Variants in LYST observed in about 807,000 individuals in gnomAD.
The protein encoded by LYST is lysosomal-trafficking regulator.
A neutral mutation model predicts 413.6 loss-of-function variants in LYST; 192 were observed. The ratio of observed to expected loss-of-function variants is 0.46; its 90% CI spans 0.41 to 0.52. LYST has a LOEUF of 0.52. LYST is among the 20% of genes least tolerant of loss of function. The probability of loss-of-function intolerance (pLI) is 0.00; values close to 1 mark genes in which losing one functional copy is unlikely to be tolerated. For synonymous variants in LYST, 1,525 were observed against 1,567.3 expected (o/e 0.97, Z 0.64); for missense variants, 3,815 against 4,499.9 (o/e 0.85, Z 4.35).
intron 1 of LYST, among the ~76,000 whole-genome samples, chr1:235,882,150 G>A (rs1460673729): frequency 6.6e-6 from 1 of 151,086 alleles, no homozygotes; most frequent in Non-Finnish European, 1.5e-5. Flanking sequence ...GAGGAAGGAG[G>A]ATCGGGAAGG....
intron 1 of LYST, among the ~76,000 whole-genome samples, chr1:235,834,922 T>A (rs930560989): frequency 1.2e-4 from 17 of 147,072 alleles, no homozygotes; most frequent in African/African-American, 3.2e-4. Context: ...ATCATGCAAA[T>A]TTTTTTTTTT....
rs768532041 is a variant in LYST, at chr1:235,762,815, A to G, written c.6158T>C (p.Met2053Thr). 6.2e-7 allele frequency: 1 copy of G among 1,613,570 alleles called. No individual in the cohort carries two copies. The highest frequency in any genetic ancestry group is 1.3e-5 in the African/African-American group (1 of 75,006). The change falls in exon 22 of 53, where the codon ATG becomes ACG. Residue 2053 changes from methionine to threonine, a missense_variant. This residue lies in a region of LYST where 530 missense variants were observed against 696.5 expected (regional missense o/e 0.76). Coordinates refer to ENST00000389793, the MANE Select transcript of LYST (RefSeq NM_000081.4). ...KIFQEKVRSI[M>T]YLRHSSSGGR... The stretch of plus-strand genomic sequence containing the variant: ...TCCACTGCTGGAATGCCTCAGGTAC[A>G]TGATTGACCGCACTTTCTCCTGAAA...
In LYST at chr1:235,728,059, C is replaced by G. The variant is rs1306054953; in HGVS notation, c.9162+17G>C. The G allele has an allele frequency of 6.3e-7, 1 of 1,589,422 alleles. No homozygotes were observed. The highest frequency in any genetic ancestry group is 2.2e-5 in the East Asian group (1 of 44,674). The stretch of plus-strand genomic sequence containing the variant: ...CTGTCTAGATTTATGTAAATACAGA[C>G]TTAAGCCTCTACTCACCGAACTTTC... On this transcript the variant is annotated intron_variant, in intron 38 of 52. Coordinates refer to ENST00000389793, the MANE Select transcript of LYST (RefSeq NM_000081.4).
At chr1:235,771,913 GTTTGTTTTTTTTTTT>G (rs1416270283) in intron 19 of LYST, among the ~76,000 whole-genome samples, 1 of 95,182 alleles carries the variant, frequency 1.1e-5, no homozygotes, top group South Asian at 3.8e-4. Context: ...AGGTTTTTTA[GTTTGTTTTTTTTTTT>G]TTTTTTTTTT....
chr1:235,872,457 A>G (rs945835298), intron 1 of LYST, among the ~76,000 whole-genome samples: 3 of 152,210 alleles, frequency 2.0e-5, no homozygotes, highest in African/African-American at 7.2e-5. Context: ...ATCTCGTGGT[A>G]ATAGACCGAG....
chr1:235,741,420 A>G lies in LYST; in HGVS notation c.8358+2T>C, dbSNP rs1157079200. On this transcript the variant is annotated splice_donor_variant, in intron 31 of 52. Transcript: ENST00000389793. LOFTEE classifies it high-confidence loss of function. ...TTCTCTTATCAAAGCTGAGATACTT[A>G]CTTGTAGGGATGGGCTGAGACAGTC... 1 of 1,609,842 alleles carries G rather than the reference A, an allele frequency of 6.2e-7. No individual in the cohort carries two copies. Among genetic ancestry groups the G allele is most frequent in the Non-Finnish European group, 8.5e-7 (1 of 1,176,290 alleles).
intron 48 of LYST, among the ~76,000 whole-genome samples, chr1:235,677,914 C>G (rs1046416863): frequency 1.3e-5 from 2 of 151,732 alleles, no homozygotes; most frequent in African/African-American, 4.8e-5. Flanking sequence ...TTTACATATT[C>G]TCCTATAAGC....
chr1:235,698,111 A>G (rs1187855855), intron 45 of LYST, among the ~76,000 whole-genome samples: 1 of 152,216 alleles, frequency 6.6e-6, no homozygotes, highest in African/African-American at 2.4e-5. Context: ...TGACTGTTTT[A>G]TCCTCTACTG....
At chr1:235,844,860 T>C (rs960494358) in intron 1 of LYST, among the ~76,000 whole-genome samples, 3 of 152,198 alleles carry the variant, frequency 2.0e-5, no homozygotes, top group Non-Finnish European at 4.4e-5. Flanking sequence ...GTACAATATT[T>C]AAGCAAGAAA....
At chr1:235,825,767 A>G (rs903795498) in intron 3 of LYST, among the ~76,000 whole-genome samples, 2 of 152,218 alleles carry the variant, frequency 1.3e-5, no homozygotes, top group Non-Finnish European at 2.9e-5. Context: ...AAACTGATTT[A>G]TAGATTCAAT....
At chr1:235,691,153 T>C (rs977990616) in intron 47 of LYST, among the ~76,000 whole-genome samples, 10 of 152,014 alleles carry the variant, frequency 6.6e-5, no homozygotes, top group East Asian at 3.9e-4. Flanking sequence ...CTCCTGACCT[T>C]GTGATCCGCC....
Position 235,663,055 on chromosome 1 carries a change from T to C in LYST, c.11291A>G (p.His3764Arg). The change falls in exon 53 of 53, where the codon CAC becomes CGC. Residue 3764 changes from histidine (H) to arginine (R), a missense_variant. Physicochemically the swap from His to Arg is conservative, Grantham distance 29. This residue lies in a region of LYST where 866 missense variants were observed against 1,156.0 expected (regional missense o/e 0.75). Coordinates refer to ENST00000389793, the MANE Select transcript of LYST (RefSeq NM_000081.4). ...IISLTFSCDG[H>R]HLYTANSDGT... is the part of the protein sequence containing the mutation. ...ATCACTGTTTGCTGTGTACAAATGG[T>C]GGCCATCACAAGAAAATGTAAGGCT... The C allele has an allele frequency of 6.2e-7, 1 of 1,612,406 alleles. No individual in the cohort carries two copies. The highest frequency in any genetic ancestry group is 1.1e-5 in the South Asian group (1 of 91,060).
At chr1:235,739,144 G>C (rs1041021745) in intron 31 of LYST, among the ~76,000 whole-genome samples, 8 of 152,154 alleles carry the variant, frequency 5.3e-5, no homozygotes, top group African/African-American at 1.9e-4. Flanking sequence ...AAATAGGAAT[G>C]GTTTGTAAAA....
rs1670511088 is a variant in LYST, at chr1:235,787,150, C to T, written c.4862+50G>A. On this transcript the variant is annotated intron_variant, in intron 14 of 52. Transcript: ENST00000389793. ...CAGAAGCTATAATTGACTAATGAAA[C>T]ATAACATTGTAACTGAGATTGAGAT... 4 of 1,397,514 alleles carry T rather than the reference C, an allele frequency of 2.9e-6. No homozygotes were observed. The East Asian group carries it at 6.9e-5, about 24-fold the overall frequency. The allele number at this position is 1,397,514 out of a possible 1,614,324, so 86.6% of individuals were successfully genotyped here.
chr1:235,664,711 G>T lies in LYST; in HGVS notation c.11039-90C>A. 1 of 1,152,038 alleles carries T rather than the reference G, an allele frequency of 8.7e-7. No individual in the cohort carries two copies. The highest frequency in any genetic ancestry group is 1.3e-6 in the Non-Finnish European group (1 of 769,526). The allele number at this position is 1,152,038 out of a possible 1,614,324, so 71.4% of individuals were successfully genotyped here. A position where few individuals can be genotyped will look rare whatever the true frequency, so the allele number is the denominator to read the frequency against. ...CCAGAAGGGCAACCCTGAAGGGCAA[G>T]CTCATTTGTTTATTGATGAAGTTTG... is the stretch of plus-strand genomic sequence containing the variant. On this transcript the variant is annotated intron_variant, in intron 50 of 52. Transcript: ENST00000389793. The surrounding 1 kb of genome is among the most constrained non-coding windows in gnomAD (Gnocchi z 4.5).
At chr1:235,767,686 G>T (rs1668277980) in intron 20 of LYST, among the ~76,000 whole-genome samples, 1 of 151,900 alleles carries the variant, frequency 6.6e-6, no homozygotes, top group Non-Finnish European at 1.5e-5. Context: ...TTCTGTTTCT[G>T]TCTTTGCTTT....
chr1:235,763,308 C>A (rs1667776997), intron 21 of LYST, among the ~76,000 whole-genome samples: 1 of 152,146 alleles, frequency 6.6e-6, no homozygotes, highest in Non-Finnish European at 1.5e-5. Flanking sequence ...ATCACAAATG[C>A]AACAAATCTA....
intron 3 of LYST, among the ~76,000 whole-genome samples, chr1:235,826,037 CTCA>C (rs1245144587): frequency 1.3e-5 from 2 of 152,112 alleles, no homozygotes; most frequent in Non-Finnish European, 2.9e-5. Flanking sequence ...AGAAAAAGTG[CTCA>C]TCATCATTAA....
Position 235,716,611 on chromosome 1 carries a change from TAAAAAATCCATAGTATAAATTTA to T in LYST, c.9627+78_9627+100del, listed in dbSNP as rs1455186801. ...GTCTGTCAATCCTAGTACAAGAAGG[TAAAAAATCCATAGTATAAATTTA>T]AAATTAGGTAAAACACAAGTCTGTA... On this transcript the variant is annotated intron_variant, in intron 41 of 52. Transcript: ENST00000389793. 31 of 737,408 alleles carry T rather than the reference TAAAAAATCCATAGTATAAATTTA, an allele frequency of 4.2e-5. No individual in the cohort carries two copies. In the East Asian group the frequency reaches 7.8e-4, roughly 19 times the overall value. 45.7% of individuals were successfully genotyped at this position (737,408 alleles called of 1,614,324 possible). A position where few individuals can be genotyped will look rare whatever the true frequency, so the allele number is the denominator to read the frequency against.
Sources: allele counts gnomAD v4.1 joint callset (sites outside exome capture counted in the v4.1 genomes callset), GRCh38; gene constraint gnomAD v4.1.1; regional missense constraint gnomAD v4.1.1; non-coding constraint Gnocchi (gnomAD v3.1); transcripts MANE v1.5; gene names NCBI Gene and HGNC (gene_info 2026-07-23, HGNC 2026-07-21).